Variants in OTUD3 observed in about 807,000 individuals in gnomAD.
OTUD3 encodes OTU deubiquitinase 3.
OTUD3 carries 24 observed loss-of-function variants against 46.2 expected under a neutral mutation model. The observed-to-expected ratio is 0.52, with a 90% CI of 0.38 to 0.73. The LOEUF is 0.73. Ranked by LOEUF, OTUD3 falls within the 30% of genes least tolerant of loss-of-function variation. The pLI is 0.00. For missense variants in OTUD3, 455 were observed against 523.3 expected (o/e 0.87, Z 1.27); for synonymous variants, 189 against 195.4 (o/e 0.97, Z 0.27).
At chr1:19,901,542 TAATC>T (rs532322962) in intron 4 of OTUD3, among the ~76,000 whole-genome samples, 259 of 152,336 alleles carry the variant, frequency 1.7e-3, no homozygotes, top group Non-Finnish European at 2.9e-3. Flanking sequence ...AACATAAAAT[TAATC>T]ATTTAAAAAT....
At chr1:19,897,702 A>C (rs758022470) in intron 4 of OTUD3, 40 bp downstream of exon 4, 4 of 1,598,078 alleles carry the variant, frequency 2.5e-6, no homozygotes, top group Non-Finnish European at 3.4e-6. Flanking sequence ...TCCCCGCCCT[A>C]CAGGAAACAG....
At chr1:19,885,240 C>T (rs991908032) in intron 1 of OTUD3, among the ~76,000 whole-genome samples, 7 of 152,112 alleles carry the variant, frequency 4.6e-5, no homozygotes, top group Non-Finnish European at 1.0e-4. Context: ...TCCTGTTATT[C>T]GGACAGTGTT....
chr1:19,884,352 C>T (rs781044431), intron 1 of OTUD3, among the ~76,000 whole-genome samples: 2 of 152,104 alleles, frequency 1.3e-5, no homozygotes, highest in Non-Finnish European at 2.9e-5. Flanking sequence ...TTATGGGAAA[C>T]TTTGGGGGTA....
At chr1:19,884,472 T>A (rs1014227979) in intron 1 of OTUD3, among the ~76,000 whole-genome samples, 2 of 152,214 alleles carry the variant, frequency 1.3e-5, no homozygotes, top group African/African-American at 4.8e-5. Context: ...CTAAGATACT[T>A]AAGGACTTCA....
Position 19,904,955 on chromosome 1 carries a change from C to T in OTUD3, c.803C>T (p.Ala268Val), listed in dbSNP as rs752338966. 5 of 1,591,702 alleles carry T rather than the reference C, an allele frequency of 3.1e-6. No homozygotes were observed. The African/African-American group carries it at 6.7e-5, about 21-fold the overall frequency. Residue 268 changes from alanine to valine, a missense_variant, in exon 6 of 8, where the codon GCC becomes GTC. Ala to Val is a moderately conservative substitution (Grantham distance 64, BLOSUM62 0). Coordinates refer to ENST00000375120, the MANE Select transcript of OTUD3 (RefSeq NM_015207.2). ...ENYNIESAII[A>V]VLRMNQGKRN... ...TATAATATTGAATCTGCAATAATTG[C>T]CGTGCTTCGGATGAACCAAGGGAAG...
chr1:19,882,602 G>A lies in OTUD3; in HGVS notation c.89G>A (p.Arg30His). 1 of 1,435,546 alleles carries A rather than the reference G, an allele frequency of 7.0e-7. No individual in the cohort carries two copies. Among genetic ancestry groups the A allele is most frequent in the South Asian group, 1.4e-5 (1 of 70,002 alleles). The allele number at this position is 1,435,546 out of a possible 1,614,324, so 88.9% of individuals were successfully genotyped here. A position where few individuals can be genotyped will look rare whatever the true frequency, so the allele number is the denominator to read the frequency against. The change falls in exon 1 of 8, where the codon CGC becomes CAC. Residue 30 changes from arginine to histidine, a missense_variant. Physicochemically the swap from Arg to His is conservative, Grantham distance 29. Transcript: ENST00000375120. ...CGCAAGCGGGACGAGCGGGCGGCGC[G>A]CCGGGCCCTGGCCAAGGAGCGGCGG... is the stretch of plus-strand genomic sequence containing the variant. ...AERKRDERAA[R>H]RALAKERRNR...
In OTUD3 at chr1:19,907,690, G is replaced by A. The variant is rs901521084; in HGVS notation, c.1141G>A (p.Ala381Thr). 1.2e-6 allele frequency: 2 copies of A among 1,614,214 alleles called. No individual in the cohort carries two copies. Among genetic ancestry groups the A allele is most frequent in the Non-Finnish European group, 1.7e-6 (2 of 1,180,048 alleles). ...GSHRDNNRSE[A>T]EANTQVTLVK... is the part of the protein sequence containing the mutation. Reference sequence around the variant, plus strand: ...CCACAGGGACAATAACAGAAGCGAAGCAGAGGCGAACACGCAGGTCACCTT... The same window carrying A: ...CCACAGGGACAATAACAGAAGCGAAACAGAGGCGAACACGCAGGTCACCTT... The change falls in exon 8 of 8, where the codon GCA (alanine) becomes ACA (threonine). Residue 381 changes from alanine (A) to threonine (T), a missense_variant. Coordinates refer to ENST00000375120, the MANE Select transcript of OTUD3 (RefSeq NM_015207.2).
chr1:19,907,513 A>C, intron 7 of OTUD3, 57 bp from the exon 8 acceptor site: 1 of 1,532,604 alleles, frequency 6.5e-7, no homozygotes, highest in East Asian at 2.3e-5. Flanking sequence ...CCCTTCTAGC[A>C]GGTGGCAGCT....
chr1:19,890,338 C>T, intron 1 of OTUD3, 47 bp from the exon 2 acceptor site: 1 of 1,584,932 alleles, frequency 6.3e-7, no homozygotes, highest in East Asian at 2.2e-5. Context: ...TTTAGACGAA[C>T]TAAGTTCATT....
At position 19,904,851 on chromosome 1, in the gene OTUD3, G is replaced by A. The variant is rs372979042; in HGVS notation, c.739-40G>A. 1.2e-4 allele frequency: 122 copies of A among 992,566 alleles called. No homozygotes were observed. The African/African-American group carries it at 1.8e-3, about 15-fold the overall frequency. The allele number at this position is 992,566 out of a possible 1,614,324, so 61.5% of individuals were successfully genotyped here. On this transcript the variant is annotated intron_variant, in intron 5 of 7. Transcript: ENST00000375120. The stretch of plus-strand genomic sequence containing the variant: ...AGCTAGGCAGAAAAATATACCCAGA[G>A]TTTTGAAGTGGTTTTTTTGTTTGTT...
intron 1 of OTUD3, 45 bp downstream of exon 1, chr1:19,882,779 C>G (rs554221669): frequency 7.9e-7 from 1 of 1,264,364 alleles, no homozygotes; most frequent in African/African-American, 1.6e-5. Flanking sequence ...GGGGACGCGC[C>G]GGGCTCGGCC....
At chr1:19,897,033 A>G (rs1451331601) in intron 3 of OTUD3, among the ~76,000 whole-genome samples, 2 of 152,224 alleles carry the variant, frequency 1.3e-5, no homozygotes, top group Non-Finnish European at 2.9e-5. Flanking sequence ...GGGTGGATTT[A>G]CCTTGAAGCT....
At chr1:19,892,436 C>G (rs2045459573) in intron 2 of OTUD3, among the ~76,000 whole-genome samples, 1 of 152,168 alleles carries the variant, frequency 6.6e-6, no homozygotes, top group African/African-American at 2.4e-5. Context: ...TGCCCGGCAT[C>G]TGGTAGACAT....
At chr1:19,890,308 C>T in intron 1 of OTUD3, 77 bp from the exon 2 acceptor site, 1 of 1,364,106 alleles carries the variant, frequency 7.3e-7, no homozygotes, top group Non-Finnish European at 1.0e-6. Flanking sequence ...CATGGATGAT[C>T]TGGCATGAAG....
Position 19,907,778 on chromosome 1 carries a change from G to T in OTUD3, c.*32G>T. 1.9e-6 allele frequency: 3 copies of T among 1,605,938 alleles called. No individual in the cohort carries two copies. The highest frequency in any genetic ancestry group is 2.6e-6 in the Non-Finnish European group (3 of 1,173,710). ...GGCCTCTTGGGAGTTGTAAGAAGCG[G>T]CTGGAAAAGGATTGCTGTGTGCTAG... On this transcript the variant is annotated 3_prime_UTR_variant, in exon 8 of 8. Coordinates refer to ENST00000375120, the MANE Select transcript of OTUD3 (RefSeq NM_015207.2).
Position 19,882,655 on chromosome 1 carries a change from G to T in OTUD3, c.142G>T (p.Gly48Cys), listed in dbSNP as rs1462394691. 1.2e-5 allele frequency: 17 copies of T among 1,458,450 alleles called. No individual in the cohort carries two copies. The highest frequency in any genetic ancestry group is 7.3e-5 in the African/African-American group (5 of 68,054). 90.3% of individuals were successfully genotyped at this position (1,458,450 alleles called of 1,614,324 possible). Reference protein sequence around the residue: ...RNRPESGGGGGCEEEFVSFAN... With the variant: ...RNRPESGGGGCCEEEFVSFAN... ...TCGGCCGGAGTCTGGCGGCGGCGGCGGCTGCGAGGAGGAGTTCGTCAGCTT... is the reference window on the plus strand; with the variant it reads ...TCGGCCGGAGTCTGGCGGCGGCGGCTGCTGCGAGGAGGAGTTCGTCAGCTT... Residue 48 changes from glycine to cysteine, a missense_variant, in exon 1 of 8, where the codon GGC becomes TGC. Coordinates refer to ENST00000375120, the MANE Select transcript of OTUD3 (RefSeq NM_015207.2).
rs1351183510 is a variant in OTUD3 at position 19,909,092 on chromosome 1, G to A, written c.*1346G>A. 6.6e-6 allele frequency: 1 copy of A among 152,320 alleles called. No individual in the cohort carries two copies. The highest frequency in any genetic ancestry group is 1.5e-5 in the Non-Finnish European group (1 of 68,034). The allele number at this position is 152,320 out of a possible 1,614,324, so 9.4% of individuals were successfully genotyped here. On this transcript the variant is annotated 3_prime_UTR_variant, in exon 8 of 8. Transcript: ENST00000375120. Reference sequence around the variant, plus strand: ...TTGTCTTTTGGGACCTAATACTTGGGCAAATAATTGATGCTGAGTTGAAAG... The same window carrying A: ...TTGTCTTTTGGGACCTAATACTTGGACAAATAATTGATGCTGAGTTGAAAG...
At chr1:19,889,446 C>G (rs577779686) in intron 1 of OTUD3, among the ~76,000 whole-genome samples, 6 of 152,226 alleles carry the variant, frequency 3.9e-5, no homozygotes, top group African/African-American at 1.4e-4. Flanking sequence ...TGAGTTTATA[C>G]TTTGGAATTA....
rs1275175684 is a variant in OTUD3 at position 19,890,483 on chromosome 1, G to A, written c.320G>A (p.Arg107Gln). 3 of 1,613,878 alleles carry A rather than the reference G, an allele frequency of 1.9e-6. No homozygotes were observed. The highest frequency in any genetic ancestry group is 1.7e-6 in the Non-Finnish European group (2 of 1,179,790). ...QETVDYMIKQ[R>Q]EDFEPFVEDD... ...ACAGTGGACTACATGATAAAGCAGC[G>A]GGAAGATTTTGAACCCTTTGTAGAA... The change falls in exon 2 of 8, where the codon CGG (arginine) becomes CAG (glutamine). Residue 107 changes from arginine to glutamine, a missense_variant. Arg to Gln is a conservative substitution (Grantham distance 43, BLOSUM62 1). Transcript: ENST00000375120.
Sources: gnomAD v4.1 joint callset for allele counts (sites outside exome capture counted in the v4.1 genomes callset) on GRCh38, gnomAD v4.1.1 for gene constraint, MANE v1.5 for transcripts, NCBI Gene and HGNC (gene_info 2026-07-23, HGNC 2026-07-21) for gene names.